The following HACD1 variants were observed in gnomAD, a reference collection of about 807,000 sequenced individuals.
HACD1 encodes 3-hydroxyacyl-CoA dehydratase 1, also known as very-long-chain (3R)-3-hydroxyacyl-CoA dehydratase 1.
In HACD1, 41 loss-of-function variants were observed where a neutral mutation model predicts 32.0. That is an observed-to-expected ratio of 1.28 (90% CI 1.00 to 1.66). HACD1 has a LOEUF of 1.66. Among genes scored for constraint, HACD1 ranks in the 40% most tolerant of loss-of-function variants. The pLI is 0.00. For missense variants in HACD1, 396 were observed against 380.1 expected, an observed-to-expected ratio of 1.04 and a Z score of -0.35; for synonymous variants, 142 against 139.0, an observed-to-expected ratio of 1.02 and a Z score of -0.15.
intron 5 of HACD1, among the ~76,000 whole-genome samples, chr10:17,595,695 T>A (rs187674433): frequency 1.3e-4 from 19 of 151,950 alleles, no homozygotes. Context: ...TCCAAGATGA[T>A]CATATTTCTT....
chr10:17,615,217 G>C (rs1287110869), intron 1 of HACD1, among the ~76,000 whole-genome samples: 1 of 152,226 alleles, frequency 6.6e-6, no homozygotes, highest in Non-Finnish European at 1.5e-5. Flanking sequence ...GAAGTAGCAG[G>C]ACAGTGGAGT....
intron 1 of HACD1, among the ~76,000 whole-genome samples, chr10:17,609,089 A>G (rs1210282823): frequency 6.6e-6 from 1 of 152,124 alleles, no homozygotes; most frequent in Non-Finnish European, 1.5e-5. Flanking sequence ...CAGATTGTAT[A>G]AAGAACTTTC....
chr10:17,591,999 T>TTTTTC (rs1588982130), intron 6 of HACD1, among the ~76,000 whole-genome samples: 1 of 146,162 alleles, frequency 6.8e-6, no homozygotes, highest in Non-Finnish European at 1.5e-5. Flanking sequence ...TTTTTTTTTT[T>TTTTTC]GAGATGGAGT....
chr10:17,591,190 C>T (rs1459110051), intron 6 of HACD1, among the ~76,000 whole-genome samples: 5 of 152,006 alleles, frequency 3.3e-5, no homozygotes, highest in African/African-American at 4.8e-5. Context: ...TGTGAGGATA[C>T]CCGGGTGCAT....
At chr10:17,590,861 G>C (rs1174988889) in intron 6 of HACD1, among the ~76,000 whole-genome samples, 3 of 152,096 alleles carry the variant, frequency 2.0e-5, no homozygotes, top group African/African-American at 7.2e-5. Flanking sequence ...TTTTAGTAGA[G>C]ATGGGATTTC....
intron 1 of HACD1, 142 bp from the exon 2 acceptor site, chr10:17,604,189 A>T (rs547116173): frequency 3.2e-6 from 2 of 628,856 alleles, no homozygotes; most frequent in Non-Finnish European, 5.5e-6. Flanking sequence ...GGATACTTGA[A>T]ATGTGGTCTA....
intron 6 of HACD1, among the ~76,000 whole-genome samples, chr10:17,592,108 A>G (rs1833936816): frequency 6.7e-6 from 1 of 149,864 alleles, no homozygotes; most frequent in Non-Finnish European, 1.5e-5. Flanking sequence ...CAGCCTCCTG[A>G]GTAGCTGGGA....
chr10:17,603,764 A>T lies in HACD1; in HGVS notation c.376-20T>A. ...AACTATCTGTAAGCAAATAGAAAAA[A>T]ATCATTACGTCAATAATAGAAAACA... On this transcript the variant is annotated intron_variant, in intron 2 of 6. Transcript: ENST00000361271. 1 of 1,589,020 alleles carries T rather than the reference A, an allele frequency of 6.3e-7. No homozygotes were observed. Among genetic ancestry groups the T allele is most frequent in the Non-Finnish European group, 8.6e-7 (1 of 1,159,408 alleles).
rs1175343718 is a variant in HACD1, at chr10:17,617,148, C to T, written c.192G>A (p.Glu64=). The part of the protein sequence containing the change: ...EAGEDREAPG[E]RRRLGVLATA... ...TGGCCAAGACCCCCAGGCGCCTCCG[C>T]TCGCCGGGAGCCTCCCGGTCCTCGC... Residue 64 remains glutamate, a synonymous_variant, in exon 1 of 7, where the codon GAG becomes GAA. Transcript: ENST00000361271. 7 of 1,507,844 alleles carry T rather than the reference C, an allele frequency of 4.6e-6. No individual in the cohort carries two copies. The highest frequency in any genetic ancestry group is 6.2e-6 in the Non-Finnish European group (7 of 1,131,718). The allele number at this position is 1,507,844 out of a possible 1,614,324, so 93.4% of individuals were successfully genotyped here. A position where few individuals can be genotyped will look rare whatever the true frequency, so the allele number is the denominator to read the frequency against.
At chr10:17,611,242 C>G (rs1305100778) in intron 1 of HACD1, among the ~76,000 whole-genome samples, 2 of 152,120 alleles carry the variant, frequency 1.3e-5, no homozygotes, top group Non-Finnish European at 2.9e-5. Context: ...CCTCGTGATC[C>G]GCCTGCTTCA....
At chr10:17,605,369 A>G (rs782767394) in intron 1 of HACD1, among the ~76,000 whole-genome samples, 1 of 151,744 alleles carries the variant, frequency 6.6e-6, no homozygotes, top group Non-Finnish European at 1.5e-5. Context: ...TACTAAAAAT[A>G]CGAAAATTAG....
At chr10:17,604,357 C>G (rs1322957592) in intron 1 of HACD1, among the ~76,000 whole-genome samples, 1 of 151,752 alleles carries the variant, frequency 6.6e-6, no homozygotes, top group Non-Finnish European at 1.5e-5. Context: ...TGGTGGCGGG[C>G]GCCTGAGTCC....
intron 4 of HACD1, among the ~76,000 whole-genome samples, chr10:17,601,097 G>A (rs189581536): frequency 1.3e-5 from 2 of 151,080 alleles, no homozygotes; most frequent in East Asian, 1.9e-4. Flanking sequence ...GCAGTGATGC[G>A]ATCTCAGCTC....
rs1833965411 is a variant in HACD1, at chr10:17,594,216, G to A, written c.773C>T (p.Ser258Leu). 1 of 1,556,382 alleles carries A rather than the reference G, an allele frequency of 6.4e-7. No homozygotes were observed. The highest frequency in any genetic ancestry group is 1.2e-5 in the South Asian group (1 of 81,920). Residue 258 changes from serine to leucine, a missense_variant, in exon 6 of 7, where the codon TCA becomes TTA. By Grantham distance (145) the Ser-to-Leu change is moderately radical. Transcript: ENST00000361271. ...AAGTATATACTTACAAGGTATATAT[G>A]ATGCCATGGTTATAAGAAGAAAATA... ...YYYFLLITMASYIPLFPQLYF... is the reference protein window; with the variant it reads ...YYYFLLITMALYIPLFPQLYF...
chr10:17,599,378 C>T lies in HACD1; in HGVS notation c.517G>A (p.Val173Ile). 2 of 1,613,742 alleles carry T rather than the reference C, an allele frequency of 1.2e-6. No homozygotes were observed. The highest frequency in any genetic ancestry group is 1.3e-5 in the African/African-American group (1 of 75,038). ...QNEESVVLFLVAWTVTEITRY... is the reference protein window; with the variant it reads ...QNEESVVLFLIAWTVTEITRY... ...GTGATCTCTGTCACAGTCCACGCGA[C>T]CAGAAAAAGCACCACACTCTCTTCA... The change falls in exon 5 of 7, where the codon GTC (valine) becomes ATC (isoleucine). Residue 173 changes from valine to isoleucine, a missense_variant. Coordinates refer to ENST00000361271, the MANE Select transcript of HACD1 (RefSeq NM_014241.4).
intron 5 of HACD1, among the ~76,000 whole-genome samples, chr10:17,594,897 C>T (rs1311131910): frequency 2.1e-5 from 3 of 143,930 alleles, no homozygotes; most frequent in Admixed American, 1.4e-4. Flanking sequence ...CTTACTCTGT[C>T]GCCTAGACTG....
At chr10:17,616,986 C>A (rs1833096865) in intron 1 of HACD1, 97 bp downstream of exon 1, 1 of 1,237,672 alleles carries the variant, frequency 8.1e-7, no homozygotes, top group Admixed American at 4.3e-5. Flanking sequence ...GCCCGCACCC[C>A]CCGCGCCCCT....
In HACD1 at chr10:17,595,822, CA is replaced by C. The variant is rs1366968027; in HGVS notation, c.606-1440del. Reference sequence around the variant, plus strand: ...GGCGATATAGTAAGACCCCGTCTCACAAAAAAAAATTTAATGAGCAGACCAC... The same window carrying C: ...GGCGATATAGTAAGACCCCGTCTCACAAAAAAAATTTAATGAGCAGACCAC... On this transcript the variant is annotated intron_variant, in intron 5 of 6. Transcript: ENST00000361271. Among the ~76,000 whole-genome samples, 541 of 151,020 alleles carry C rather than the reference CA, an allele frequency of 3.6e-3. 3 individuals are homozygous for C. The highest frequency in any genetic ancestry group is 0.013 in the African/African-American group (522 of 41,210).
chr10:17,617,297 G>T lies in HACD1; in HGVS notation c.43C>A (p.Arg15=), dbSNP rs1215723903. 2 of 1,452,626 alleles carry T rather than the reference G, an allele frequency of 1.4e-6. No individual in the cohort carries two copies. Among genetic ancestry groups the T allele is most frequent in the South Asian group, 2.7e-5 (2 of 74,400 alleles). 90.0% of individuals were successfully genotyped at this position (1,452,626 alleles called of 1,614,324 possible). The change falls in exon 1 of 7, where the codon CGG becomes AGG. Residue 15 remains arginine, a synonymous_variant. Transcript: ENST00000361271. Reference sequence around the variant, plus strand: ...GGGGACCCTGCCCAGCCTGCAGCCCGAGAGCCGCTGCCCGCTGCCGCCGCT... The same window carrying T: ...GGGGACCCTGCCCAGCCTGCAGCCCTAGAGCCGCTGCCCGCTGCCGCCGCT... The part of the protein sequence containing the change: ...TEAAAAGSGS[R]AAGWAGSPPT...
Sources: gnomAD v4.1 joint callset for allele counts (sites outside exome capture counted in the v4.1 genomes callset) on GRCh38, gnomAD v4.1.1 for gene constraint, MANE v1.5 for transcripts, NCBI Gene and HGNC (gene_info 2026-07-23, HGNC 2026-07-21) for gene names.